KCTD1: variants seen among roughly 807,000 people sequenced by gnomAD.
KCTD1 encodes the protein BTB/POZ domain-containing protein KCTD1.
KCTD1 carries 24 observed loss-of-function variants against 66.0 expected under a neutral mutation model. That is an observed-to-expected ratio of 0.36 (90% confidence interval 0.26 to 0.51). KCTD1 has a LOEUF of 0.51. Ranked by LOEUF, KCTD1 falls within the 20% of genes least tolerant of loss-of-function variation. KCTD1 has a pLI of 0.95. For missense variants in KCTD1, 943 were observed against 1,205.2 expected (o/e 0.78, Z 3.22); for synonymous variants, 511 against 517.2 (o/e 0.99, Z 0.16).
chr18:26,603,400 C>T (rs1329496204), intron 1 of KCTD1, among the ~76,000 whole-genome samples: 1 of 150,380 alleles, frequency 6.6e-6, no homozygotes, highest in Non-Finnish European at 1.5e-5. Context: ...CCACTGCACT[C>T]CAGCCTGGGC....
intron 1 of KCTD1, among the ~76,000 whole-genome samples, chr18:26,654,861 G>A (rs1274981832): frequency 6.6e-6 from 1 of 152,130 alleles, no homozygotes; most frequent in African/African-American, 2.4e-5. Context: ...TTCCATTCAG[G>A]CAGCAGCAGG....
intron 2 of KCTD1, among the ~76,000 whole-genome samples, chr18:26,496,836 A>G (rs755196351): frequency 6.6e-6 from 1 of 152,268 alleles, no homozygotes; most frequent in Middle Eastern, 3.4e-3. Context: ...TTTTGGTGAA[A>G]TGGCCATTAT....
chr18:26,536,147 C>G (rs1005347819), intron 1 of KCTD1, among the ~76,000 whole-genome samples: 7 of 152,070 alleles, frequency 4.6e-5, no homozygotes, highest in African/African-American at 1.7e-4. Context: ...CACAGTGTGG[C>G]CCCACAGACC....
upstream of KCTD1, chr18:26,548,977 C>T (rs1032443218): frequency 5.1e-6 from 5 of 985,234 alleles, no homozygotes; most frequent in Admixed American, 6.2e-5. Context: ...TAAGTAATGC[C>T]CGAGGAGCAG....
At chr18:26,618,983 TG>T (rs1298255661) in intron 1 of KCTD1, among the ~76,000 whole-genome samples, 1 of 152,110 alleles carries the variant, frequency 6.6e-6, no homozygotes, top group Non-Finnish European at 1.5e-5. Flanking sequence ...GCCTATAGAG[TG>T]AGGCTCTGCC....
intron 1 of KCTD1, among the ~76,000 whole-genome samples, chr18:26,505,230 G>A (rs900134185): frequency 7.2e-5 from 11 of 152,342 alleles, no homozygotes; most frequent in South Asian, 6.2e-4. Context: ...GCCTTCTGTC[G>A]TTCATCATCG....
chr18:26,635,509 T>C (rs1598977910), intron 1 of KCTD1, among the ~76,000 whole-genome samples: 1 of 152,202 alleles, frequency 6.6e-6, no homozygotes, highest in African/African-American at 2.4e-5. Context: ...TTTGTTTGAA[T>C]GGCAGCCGCA....
chr18:26,594,970 C>T (rs954665591), intron 1 of KCTD1, among the ~76,000 whole-genome samples: 1 of 152,086 alleles, frequency 6.6e-6, no homozygotes, highest in African/African-American at 2.4e-5. Context: ...ATATCTCTCT[C>T]TCCATTTTCC....
At chr18:26,548,614 A>T, upstream of KCTD1, 1 of 1,169,450 alleles carries the variant, frequency 8.6e-7, no homozygotes, top group Non-Finnish European at 1.1e-6. Context: ...TTTGTGTTTA[A>T]TGACCTTCAG....
chr18:26,524,398 AT>A (rs760555788), intron 1 of KCTD1, among the ~76,000 whole-genome samples: 13 of 152,232 alleles, frequency 8.5e-5, no homozygotes, highest in Non-Finnish European at 8.8e-5. Context: ...GGTCTGTTTT[AT>A]TTCGAAACAC....
intron 1 of KCTD1, among the ~76,000 whole-genome samples, chr18:26,591,193 T>G (rs577529669): frequency 1.3e-5 from 2 of 152,004 alleles, no homozygotes; most frequent in Non-Finnish European, 2.9e-5. Context: ...ACCAGCTAAT[T>G]ATTATTATTT....
intron 2 of KCTD1, among the ~76,000 whole-genome samples, chr18:26,485,514 T>C (rs1381908792): frequency 1.3e-5 from 2 of 152,222 alleles, no homozygotes; most frequent in Non-Finnish European, 2.9e-5. Flanking sequence ...ACTTTTAAGA[T>C]CACCTGGGCC....
chr18:26,656,940 C>T (rs1472939471), intron 1 of KCTD1, among the ~76,000 whole-genome samples: 5 of 148,880 alleles, frequency 3.4e-5, no homozygotes, highest in East Asian at 2.0e-4. Context: ...GCGGAGCGGC[C>T]GCGGGGAGGC....
chr18:26,549,833 G>T, upstream of KCTD1: 1 of 984,726 alleles, frequency 1.0e-6, no homozygotes, highest in Non-Finnish European at 1.2e-6. Flanking sequence ...GAGCTCGCCG[G>T]GTCTCGCTTT....
intron 1 of KCTD1, among the ~76,000 whole-genome samples, chr18:26,593,331 G>GAGGAAGAGGAGA (rs1986656737): frequency 8.5e-6 from 1 of 117,480 alleles, no homozygotes; most frequent in African/African-American, 3.0e-5. Flanking sequence ...GGAAGAGGAG[G>GAGGAAGAGGAGA]AGGAAGAGGA....
intron 3 of KCTD1, among the ~76,000 whole-genome samples, chr18:26,463,614 G>A (rs1359299760): frequency 1.3e-5 from 2 of 151,694 alleles, no homozygotes; most frequent in East Asian, 3.9e-4. Flanking sequence ...TCAGCTCACT[G>A]CAACCTCTGC....
chr18:26,512,955 T>C (rs1365021107), intron 1 of KCTD1, among the ~76,000 whole-genome samples: 2 of 151,902 alleles, frequency 1.3e-5, no homozygotes, highest in African/African-American at 4.8e-5. Flanking sequence ...CACTCCAGCC[T>C]GGGCAACGCA....
At chr18:26,640,141 G>A (rs1294053224) in intron 1 of KCTD1, among the ~76,000 whole-genome samples, 3 of 152,134 alleles carry the variant, frequency 2.0e-5, no homozygotes, top group Non-Finnish European at 4.4e-5. Flanking sequence ...AGATGAGTAA[G>A]TGTAGAGAAT....
chr18:26,507,253 TG>T (rs1983089959), intron 1 of KCTD1, among the ~76,000 whole-genome samples: 1 of 152,322 alleles, frequency 6.6e-6, no homozygotes, highest in East Asian at 1.9e-4. Context: ...GTAGTAACTT[TG>T]GGTAGCAAGT....
Sources: gnomAD v4.1 joint callset for allele counts (sites outside exome capture counted in the v4.1 genomes callset) on GRCh38, gnomAD v4.1.1 for gene constraint, MANE v1.5 for transcripts, NCBI Gene and HGNC (gene_info 2026-07-23, HGNC 2026-07-21) for gene names.